TRRAP: variants seen among roughly 807,000 people sequenced by gnomAD.
TRRAP encodes the protein transformation/transcription domain-associated protein.
In TRRAP, 41 loss-of-function variants were observed where a neutral mutation model predicts 438.8. The ratio of observed to expected loss-of-function variants is 0.09; its 90% CI spans 0.07 to 0.12. The LOEUF is 0.12. Ranked by LOEUF, TRRAP falls within the 10% of genes least tolerant of loss-of-function variation. The pLI is 1.00. For missense variants in TRRAP, 3,122 were observed against 5,055.1 expected, an observed-to-expected ratio of 0.62 and a Z score of 11.60; for synonymous variants, 1,994 against 1,962.9, an observed-to-expected ratio of 1.02 and a Z score of -0.42.
intron 67 of TRRAP, among the ~76,000 whole-genome samples, chr7:99,001,477 A>G (rs530542830): frequency 1.3e-5 from 2 of 152,234 alleles, no homozygotes; most frequent in Non-Finnish European, 2.9e-5. Context: ...AAATGTCCAC[A>G]TTATTAAATC....
chr7:98,905,831 T>C (rs112762599), intron 12 of TRRAP, among the ~76,000 whole-genome samples: 1 of 152,172 alleles, frequency 6.6e-6, no homozygotes, highest in African/African-American at 2.4e-5. Flanking sequence ...CCAAACTGGT[T>C]GGGAGGGTGG....
rs530414226 is a variant in TRRAP, at chr7:98,980,749, G to A, written c.8635-1020G>A. ...CCCAGGATAACAATATGAATTGGAAGCAATTCAAAATTACACCCATGTGGC... is the reference window on the plus strand; with the variant it reads ...CCCAGGATAACAATATGAATTGGAAACAATTCAAAATTACACCCATGTGGC... On this transcript the variant is annotated intron_variant, in intron 58 of 72. Coordinates refer to ENST00000456197, the MANE Select transcript of TRRAP (RefSeq NM_001375524.1). 5.3e-4 allele frequency among the ~76,000 whole-genome samples: 80 copies of A among 152,366 alleles called. 1 individual carries two copies. The highest frequency in any genetic ancestry group is 1.8e-3 in the African/African-American group (76 of 41,588).
intron 39 of TRRAP, among the ~76,000 whole-genome samples, chr7:98,952,894 G>T (rs2060670514): frequency 1.3e-5 from 2 of 152,188 alleles, no homozygotes; most frequent in Non-Finnish European, 2.9e-5. Context: ...TTTCTTGCAT[G>T]ACTCAGCTTT....
chr7:98,976,802 C>G lies in TRRAP; in HGVS notation c.8247+32C>G. ...GTGCGCCTCAGTTTGTTAATTACCT[C>G]TTCCCTGCCAGTGACTTCACACTTT... On this transcript the variant is annotated intron_variant, in intron 55 of 72. Transcript: ENST00000456197. This position sits in a 1 kb window ranked among gnomAD's most constrained non-coding sequence, Gnocchi z 4.6. 1 of 1,606,240 alleles carries G rather than the reference C, an allele frequency of 6.2e-7. No homozygotes were observed. Among genetic ancestry groups the G allele is most frequent in the Non-Finnish European group, 8.5e-7 (1 of 1,174,626 alleles).
chr7:98,928,834 C>T (rs10278859), intron 23 of TRRAP, among the ~76,000 whole-genome samples: 2,279 of 149,592 alleles, frequency 0.015, 57 homozygotes, highest in African/African-American at 0.053. Context: ...AGTGCAGTGG[C>T]GTGGTCATGG....
At chr7:98,902,842 G>A (rs1554406872) in intron 11 of TRRAP, among the ~76,000 whole-genome samples, 1 of 151,488 alleles carries the variant, frequency 6.6e-6, no homozygotes. Context: ...ATCCCAGCAG[G>A]TGGGAGGATT....
chr7:98,964,817 G>C, intron 48 of TRRAP, 42 bp downstream of exon 48: 3 of 1,581,582 alleles, frequency 1.9e-6, no homozygotes, highest in Non-Finnish European at 2.6e-6. Flanking sequence ...AGACTCTGTT[G>C]AACAGAGAAC....
Position 99,007,468 on chromosome 7 carries a change from C to T in TRRAP, c.10754-909C>T, listed in dbSNP as rs537682126. Among the ~76,000 whole-genome samples the T allele has an allele frequency of 2.1e-3, 317 of 152,274 alleles. 1 individual carries two copies. The highest frequency in any genetic ancestry group is 7.2e-3 in the African/African-American group (301 of 41,560). On this transcript the variant is annotated intron_variant, in intron 69 of 72. Coordinates refer to ENST00000456197, the MANE Select transcript of TRRAP (RefSeq NM_001375524.1). ...GGTTCAAGCAATTCTTCTGCCTCAG[C>T]CTCCCGAGTAGCTGGGACTACAGGT...
chr7:98,899,843 G>C, intron 10 of TRRAP, 76 bp downstream of exon 10: 3 of 1,518,668 alleles, frequency 2.0e-6, no homozygotes, highest in Non-Finnish European at 2.7e-6. Flanking sequence ...TCATTCTTAA[G>C]ACATGAAAAT....
intron 3 of TRRAP, among the ~76,000 whole-genome samples, chr7:98,886,705 A>G (rs181628321): frequency 6.6e-6 from 1 of 152,342 alleles, no homozygotes; most frequent in Non-Finnish European, 1.5e-5. Flanking sequence ...AAATGTTTAA[A>G]TGAAGTGAGT....
At chr7:98,959,645 A>G (rs1791789120) in intron 45 of TRRAP, among the ~76,000 whole-genome samples, 155 bp downstream of exon 45, 1 of 152,096 alleles carries the variant, frequency 6.6e-6, no homozygotes, top group African/African-American at 2.4e-5. Context: ...CCTCTCCCAC[A>G]TTGGCCTCCA....
chr7:98,922,290 A>G (rs1256794011), intron 21 of TRRAP, among the ~76,000 whole-genome samples: 1 of 152,194 alleles, frequency 6.6e-6, no homozygotes, highest in South Asian at 2.1e-4. Context: ...AGCCACACGC[A>G]GTGCCTCGCT....
intron 30 of TRRAP, among the ~76,000 whole-genome samples, chr7:98,939,479 A>T (rs1790698359): frequency 6.6e-6 from 1 of 152,226 alleles, no homozygotes; most frequent in Admixed American, 6.5e-5. Context: ...AATAATAATG[A>T]CCCAAATACT....
chr7:98,911,024 T>G, intron 16 of TRRAP, 53 bp from the exon 17 acceptor site: 1 of 1,530,098 alleles, frequency 6.5e-7, no homozygotes, highest in Non-Finnish European at 8.9e-7. Context: ...ATGGAACATA[T>G]TCAGAGAGGT....
At chr7:98,961,154 C>T (rs1268572191) in intron 45 of TRRAP, 107 bp from the exon 46 acceptor site, 11 of 1,009,860 alleles carry the variant, frequency 1.1e-5, no homozygotes, top group African/African-American at 8.0e-5. Flanking sequence ...TTTACTTAGT[C>T]TCCAAATAAT....
Position 98,971,971 on chromosome 7 carries a change from C to T in TRRAP, c.7839+26C>T, listed in dbSNP as rs576199630. ...GTCTGTACGCAGCTTGGAAAGGATT[C>T]GTTGCTTTCCTCCCATGGACAGTTC... On this transcript the variant is annotated intron_variant, in intron 53 of 72. Coordinates refer to ENST00000456197, the MANE Select transcript of TRRAP (RefSeq NM_001375524.1). 1.1e-4 allele frequency: 173 copies of T among 1,610,674 alleles called. 1 individual carries two copies. In the South Asian group the frequency reaches 1.8e-3, roughly 16 times the overall value.
Position 98,992,006 on chromosome 7 carries a change from T to A in TRRAP, c.9757-131T>A, listed in dbSNP as rs536040103. The A allele has an allele frequency of 9.1e-5, 87 of 961,318 alleles. No homozygotes were observed. The African/African-American group carries it at 1.3e-3, about 14-fold the overall frequency. The allele number at this position is 961,318 out of a possible 1,614,324, so 59.5% of individuals were successfully genotyped here. On this transcript the variant is annotated intron_variant, in intron 64 of 72. Coordinates refer to ENST00000456197, the MANE Select transcript of TRRAP (RefSeq NM_001375524.1). Reference sequence around the variant, plus strand: ...TGTGCGTCAGATCAGTGCTGCAGTATTTGCTTCCTTGGTCCAAAGGCAGAT... The same window carrying A: ...TGTGCGTCAGATCAGTGCTGCAGTAATTGCTTCCTTGGTCCAAAGGCAGAT...
chr7:98,953,167 G>A lies in TRRAP; in HGVS notation c.5464G>A (p.Val1822Ile), dbSNP rs781838354. Residue 1822 changes from valine (V) to isoleucine (I), a missense_variant and splice_region_variant, in exon 40 of 73, where the codon GTC becomes ATC. Physicochemically the swap from Val to Ile is conservative, Grantham distance 29 (BLOSUM62 3). Around this residue, in one of 24 missense-constraint regions of TRRAP, gnomAD observed 272 missense variants for 348.5 expected, o/e 0.78. Transcript: ENST00000456197. Reference sequence around the variant, plus strand: ...AGTCCTTCCTGCTGTCCCTGCACAGGTCCTGGACCCCGAGAAGCAGGCGGA... The same window carrying A: ...AGTCCTTCCTGCTGTCCCTGCACAGATCCTGGACCCCGAGAAGCAGGCGGA... ...ESITSVFITK[V>I]LDPEKQADML... The A allele has an allele frequency of 2.5e-6, 4 of 1,612,088 alleles. No individual in the cohort carries two copies. Among genetic ancestry groups the A allele is most frequent in the South Asian group, 1.1e-5 (1 of 91,032 alleles).
chr7:98,880,713 C>T (rs1584258957), intron 1 of TRRAP, among the ~76,000 whole-genome samples: 1 of 152,134 alleles, frequency 6.6e-6, no homozygotes, highest in Non-Finnish European at 1.5e-5. Flanking sequence ...AACACAGCCT[C>T]ATTTATTTAC....
Sources: gnomAD v4.1 joint callset for allele counts (sites outside exome capture counted in the v4.1 genomes callset) on GRCh38, gnomAD v4.1.1 for gene constraint, gnomAD v4.1.1 regional missense constraint, Gnocchi (gnomAD v3.1) non-coding constraint, MANE v1.5 for transcripts, NCBI Gene and HGNC (gene_info 2026-07-23, HGNC 2026-07-21) for gene names.